SLC44A5: variants seen among roughly 807,000 people sequenced by gnomAD.
The protein encoded by SLC44A5 is choline transporter-like protein 5.
In SLC44A5, 57 loss-of-function variants were observed where a neutral mutation model predicts 101.8. That is an observed-to-expected ratio of 0.56 (90% CI 0.45 to 0.70). SLC44A5 has a LOEUF of 0.70. Among genes scored for constraint, SLC44A5 ranks in the 30% least tolerant of loss-of-function variants. SLC44A5 has a pLI of 0.00. For missense variants in SLC44A5, 737 were observed against 853.1 expected (o/e 0.86, Z 1.70); for synonymous variants, 281 against 290.9 (o/e 0.97, Z 0.35).
At chr1:75,336,310 C>T (rs1407077370) in intron 4 of SLC44A5, among the ~76,000 whole-genome samples, 2 of 152,066 alleles carry the variant, frequency 1.3e-5, no homozygotes, top group South Asian at 4.1e-4. Flanking sequence ...CGCACCACCA[C>T]ACCCGGCTAC....
intron 6 of SLC44A5, among the ~76,000 whole-genome samples, chr1:75,257,351 A>C (rs534925162): frequency 4.6e-5 from 7 of 152,318 alleles, no homozygotes; most frequent in African/African-American, 1.7e-4. Context: ...GATGAGAAGC[A>C]TATAGTACCC....
At chr1:75,481,433 A>T (rs1238517398) in intron 2 of SLC44A5, among the ~76,000 whole-genome samples, 1 of 152,218 alleles carries the variant, frequency 6.6e-6, no homozygotes, top group Non-Finnish European at 1.5e-5. Context: ...GAGCTTCTGC[A>T]CAGCAAAAGA....
At chr1:75,378,744 CT>C (rs540477947) in intron 3 of SLC44A5, among the ~76,000 whole-genome samples, 926 of 79,766 alleles carry the variant, frequency 0.012, 395 homozygotes, top group African/African-American at 0.076. Context: ...GGCACAAGTC[CT>C]CTTCCAGCAG....
At position 75,454,660 on chromosome 1, in the gene SLC44A5, G is replaced by T. The variant is rs528678499; in HGVS notation, c.14-58039C>A. On this transcript the variant is annotated intron_variant, in intron 2 of 23. Coordinates refer to ENST00000370859, the MANE Select transcript of SLC44A5 (RefSeq NM_001130058.2). ...AAAACCCTAAAGAATCCCCCAAAAG[G>T]CTCCTAGACCTGATAAACAACTTCA... Among the ~76,000 whole-genome samples, 6 of 151,824 alleles carry T rather than the reference G, an allele frequency of 4.0e-5. No individual in the cohort carries two copies. In the East Asian group the frequency reaches 9.6e-4, roughly 24 times the overall value.
At chr1:75,240,171 A>G (rs11162878) in intron 9 of SLC44A5, among the ~76,000 whole-genome samples, 42,278 of 151,990 alleles carry the variant, frequency 0.28, 6,149 homozygotes, top group Middle Eastern at 0.36. Flanking sequence ...TTAACATTTT[A>G]GGGAATTTCT....
intron 2 of SLC44A5, among the ~76,000 whole-genome samples, chr1:75,417,904 G>T (rs1663758508): frequency 6.6e-6 from 1 of 152,204 alleles, no homozygotes; most frequent in Admixed American, 6.5e-5. Context: ...TCAGCAATCA[G>T]AATGTTTTGT....
At chr1:75,347,636 CAGAG>C (rs1557686950) in intron 3 of SLC44A5, among the ~76,000 whole-genome samples, 2 of 151,370 alleles carry the variant, frequency 1.3e-5, no homozygotes, top group South Asian at 2.1e-4. Context: ...GAGAAAGAGA[CAGAG>C]AGAGAGGAGA....
rs149444321 is a variant in SLC44A5 at position 75,596,684 on chromosome 1, A to G, written c.-70+14356T>C. On this transcript the variant is annotated intron_variant, in intron 1 of 23. Transcript: ENST00000370859. ...AATAGTGATTCATCACATAAACAGA[A>G]CTAAAAACAAAAACCACATGATTAT... is the stretch of plus-strand genomic sequence containing the variant. Among the ~76,000 whole-genome samples, 993 of 152,276 alleles carry G rather than the reference A, an allele frequency of 6.5e-3. 12 individuals carry two copies. Among genetic ancestry groups the G allele is most frequent in the African/African-American group, 0.023 (945 of 41,548 alleles).
the SLC44A5 span, among the ~76,000 whole-genome samples, chr1:75,700,090 A>G: frequency 2.0e-5 from 3 of 152,190 alleles, no homozygotes; most frequent in Non-Finnish European, 4.4e-5. Flanking sequence ...AACATTAGAC[A>G]GATCAATGAG....
chr1:75,627,104 C>T, the SLC44A5 span, among the ~76,000 whole-genome samples: 3 of 152,124 alleles, frequency 2.0e-5, no homozygotes, highest in Non-Finnish European at 4.4e-5. Context: ...AAATGGTACT[C>T]ATTTTCTGAG....
At chr1:75,563,374 C>T (rs1672624312) in intron 1 of SLC44A5, among the ~76,000 whole-genome samples, 2 of 151,512 alleles carry the variant, frequency 1.3e-5, no homozygotes, top group African/African-American at 4.8e-5. Context: ...TGTGTCACAC[C>T]TAAACAAGAA....
At chr1:75,356,280 G>T (rs1054934865) in intron 3 of SLC44A5, among the ~76,000 whole-genome samples, 3 of 150,800 alleles carry the variant, frequency 2.0e-5, no homozygotes, top group African/African-American at 7.3e-5. Flanking sequence ...TGACAGCTCC[G>T]TGCATGTTAT....
At chr1:75,310,581 G>A (rs1260361797) in intron 4 of SLC44A5, among the ~76,000 whole-genome samples, 1 of 152,178 alleles carries the variant, frequency 6.6e-6, no homozygotes, top group Non-Finnish European at 1.5e-5. Context: ...TGCATGTTGA[G>A]TGAGACAAAT....
chr1:75,391,772 A>G (rs1041341440), intron 3 of SLC44A5, among the ~76,000 whole-genome samples: 2 of 152,218 alleles, frequency 1.3e-5, no homozygotes, highest in Non-Finnish European at 2.9e-5. Flanking sequence ...TAAGAATACT[A>G]GAACACCACC....
chr1:75,572,905 C>T (rs1041350198), intron 1 of SLC44A5, among the ~76,000 whole-genome samples: 1 of 151,800 alleles, frequency 6.6e-6, no homozygotes, highest in Non-Finnish European at 1.5e-5. Flanking sequence ...GGCAGATCGC[C>T]TGAGATCAGG....
intron 2 of SLC44A5, among the ~76,000 whole-genome samples, chr1:75,403,446 G>C (rs990087908): frequency 6.6e-6 from 1 of 152,122 alleles, no homozygotes; most frequent in African/African-American, 2.4e-5. Context: ...ATAGAAGAGA[G>C]CTCTGGCTGG....
rs143183494 is a variant in SLC44A5, at chr1:75,593,744, G to C, written c.-70+17296C>G. Reference sequence around the variant, plus strand: ...GCGAAATAAGCAGGCACAGAAAGACGAGTGTCACATGTTCTCACTTATTCA... The same window carrying C: ...GCGAAATAAGCAGGCACAGAAAGACCAGTGTCACATGTTCTCACTTATTCA... On this transcript the variant is annotated intron_variant, in intron 1 of 23. Transcript: ENST00000370859. Among the ~76,000 whole-genome samples the C allele has an allele frequency of 8.7e-4, 133 of 152,106 alleles. No homozygotes were observed. The Middle Eastern group carries it at 0.01, about 12-fold the overall frequency.
chr1:75,563,335 G>T (rs1557911090), intron 1 of SLC44A5, among the ~76,000 whole-genome samples: 1 of 132,720 alleles, frequency 7.5e-6, no homozygotes, highest in African/African-American at 2.7e-5. Context: ...AAAAGATAAG[G>T]GTAGATATTT....
At chr1:75,523,259 G>A (rs1305017158) in intron 2 of SLC44A5, among the ~76,000 whole-genome samples, 1 of 152,002 alleles carries the variant, frequency 6.6e-6, no homozygotes, top group Non-Finnish European at 1.5e-5. Context: ...ATGACTCTGG[G>A]GACAGACAAG....
Sources: allele counts gnomAD v4.1 joint callset (sites outside exome capture counted in the v4.1 genomes callset), GRCh38; gene constraint gnomAD v4.1.1; transcripts MANE v1.5; gene names NCBI Gene and HGNC (gene_info 2026-07-23, HGNC 2026-07-21).